The following CLN8 variants were observed in gnomAD, a reference collection of about 807,000 sequenced individuals.
CLN8 encodes CLN8 transmembrane ER and ERGIC protein.
Under a neutral mutation model 15.7 loss-of-function variants are expected in CLN8, and 14 were observed. That is an observed-to-expected ratio of 0.89 (90% CI 0.59 to 1.39). The LOEUF (loss-of-function observed/expected upper bound fraction) is 1.39, where lower values mean the gene tolerates loss of function less well. Among genes scored for constraint, CLN8 ranks in the 40% most tolerant of loss-of-function variants. The pLI, the probability that CLN8 is intolerant of heterozygous loss-of-function variation, is 0.00. For missense variants in CLN8, 415 were observed against 364.0 expected (o/e 1.14, Z -1.14); for synonymous variants, 188 against 151.0 (o/e 1.25, Z -1.80).
chr8:1,779,991 A>T (rs1801658151), intron 2 of CLN8: 12 of 985,494 alleles, frequency 1.2e-5, no homozygotes, highest in Non-Finnish European at 1.4e-5. Context: ...TAGGGAGCAG[A>T]AGCCAAAGAG....
rs1801792209 is a variant in CLN8, at chr8:1,784,909, T to C, written c.*4342T>C. 4 of 152,294 alleles carry C rather than the reference T, an allele frequency of 2.6e-5. No homozygotes were observed. Among genetic ancestry groups the C allele is most frequent in the African/African-American group, 9.7e-5 (4 of 41,438 alleles). The allele number at this position is 152,294 out of a possible 1,614,324, so 9.4% of individuals were successfully genotyped here. On this transcript the variant is annotated 3_prime_UTR_variant, in exon 3 of 3. Coordinates refer to ENST00000331222, the MANE Select transcript of CLN8 (RefSeq NM_018941.4). The stretch of plus-strand genomic sequence containing the variant: ...GAGAACGGTGGCCACTGGAAACGTG[T>C]GGCCAGAAGGGGAAACGCTCGGGCC...
chr8:1,779,321 C>T (rs1420014736), intron 2 of CLN8, among the ~76,000 whole-genome samples: 2 of 152,220 alleles, frequency 1.3e-5, no homozygotes, highest in African/African-American at 2.4e-5. Context: ...CAGCTCAGTG[C>T]AGTCTCTGCC....
At chr8:1,766,553 C>CT (rs1460249892) in intron 1 of CLN8, among the ~76,000 whole-genome samples, 46 of 151,920 alleles carry the variant, frequency 3.0e-4, no homozygotes, top group African/African-American at 1.0e-3. Flanking sequence ...TCACGCCTGG[C>CT]TATTTTTTTT....
intron 2 of CLN8, chr8:1,780,008 G>T: frequency 1.0e-6 from 1 of 985,472 alleles, no homozygotes; most frequent in South Asian, 4.7e-5. Context: ...AGAGCAAGAG[G>T]AGCAGGAAAA....
At chr8:1,754,396 G>A (rs1168061147), upstream of CLN8, among the ~76,000 whole-genome samples, 2 of 152,170 alleles carry the variant, frequency 1.3e-5, no homozygotes, top group Non-Finnish European at 2.9e-5. Flanking sequence ...CCAGTCTTAT[G>A]TAAAAATGAA....
Position 1,782,481 on chromosome 8 carries a change from T to C in CLN8, c.*1914T>C, listed in dbSNP as rs1354690110. 3.3e-5 allele frequency: 5 copies of C among 152,202 alleles called. No homozygotes were observed. The highest frequency in any genetic ancestry group is 3.3e-4 in the Admixed American group (5 of 15,280). The allele number at this position is 152,202 out of a possible 1,614,324, so 9.4% of individuals were successfully genotyped here. A position where few individuals can be genotyped will look rare whatever the true frequency, so the allele number is the denominator to read the frequency against. On this transcript the variant is annotated 3_prime_UTR_variant, in exon 3 of 3. Transcript: ENST00000331222. ...ATTTTGATTGCTGGTGCTTTAACTA[T>C]ATTGACCAAGGTGTATAGTAACCTA...
rs1801786631 is a variant in CLN8, at chr8:1,784,689, G to A, written c.*4122G>A. 1 of 152,460 alleles carries A rather than the reference G, an allele frequency of 6.6e-6. No individual in the cohort carries two copies. Among genetic ancestry groups the A allele is most frequent in the Admixed American group, 6.5e-5 (1 of 15,278 alleles). The allele number at this position is 152,460 out of a possible 1,614,324, so 9.4% of individuals were successfully genotyped here. A position where few individuals can be genotyped will look rare whatever the true frequency, so the allele number is the denominator to read the frequency against. On this transcript the variant is annotated 3_prime_UTR_variant, in exon 3 of 3. Coordinates refer to ENST00000331222, the MANE Select transcript of CLN8 (RefSeq NM_018941.4). Reference sequence around the variant, plus strand: ...GGCACAGGATGGCTGCTTGGCAGTAGGGAGTGGATGAACCAGTAGTACCCA... The same window carrying A: ...GGCACAGGATGGCTGCTTGGCAGTAAGGAGTGGATGAACCAGTAGTACCCA...
At chr8:1,778,208 G>A (rs117309978) in intron 2 of CLN8, among the ~76,000 whole-genome samples, 5,753 of 152,234 alleles carry the variant, frequency 0.038, 148 homozygotes, top group Non-Finnish European at 0.056. Flanking sequence ...GACTGCCCCA[G>A]GCAAACCAGG....
In CLN8 at chr8:1,771,532, G is replaced by C. The variant is rs1464025198; in HGVS notation, c.478G>C (p.Ala160Pro). Residue 160 changes from alanine (A) to proline (P), a missense_variant, in exon 2 of 3, where the codon GCT (alanine) becomes CCT (proline). By Grantham distance (27) the Ala-to-Pro change is conservative. Transcript: ENST00000331222. ...LVNLQAGHYL[A>P]MTTLLLEMST... ...CAATCTCCAAGCTGGCCACTATCTA[G>C]CTATGACCACGTTGCTCCTGGAGAT... 6.2e-7 allele frequency: 1 copy of C among 1,614,128 alleles called. No individual in the cohort carries two copies. Among genetic ancestry groups the C allele is most frequent in the Admixed American group, 1.7e-5 (1 of 60,024 alleles).
intron 1 of CLN8, among the ~76,000 whole-genome samples, chr8:1,767,460 T>C (rs1801110486): frequency 6.6e-6 from 1 of 152,136 alleles, no homozygotes; most frequent in Non-Finnish European, 1.5e-5. Context: ...CTAGAAAGCT[T>C]GAAGACCTGG....
At chr8:1,761,501 T>G (rs537446283), upstream of CLN8, among the ~76,000 whole-genome samples, 6 of 152,326 alleles carry the variant, frequency 3.9e-5, no homozygotes, top group African/African-American at 1.4e-4. Flanking sequence ...ATTTTTGTAT[T>G]TTTAGTAGAG....
chr8:1,768,588 G>C (rs181598783), intron 1 of CLN8, among the ~76,000 whole-genome samples: 1 of 152,206 alleles, frequency 6.6e-6, no homozygotes, highest in African/African-American at 2.4e-5. Flanking sequence ...GAAGTTTTAC[G>C]AGGGGTCCAT....
In CLN8 at chr8:1,771,498, C is replaced by T; in HGVS notation, c.444C>T (p.Gly148=). 6.2e-7 allele frequency: 1 copy of T among 1,614,214 alleles called. No individual in the cohort carries two copies. Among genetic ancestry groups the T allele is most frequent in the Non-Finnish European group, 8.5e-7 (1 of 1,180,038 alleles). Residue 148 remains glycine (G), a synonymous_variant, in exon 2 of 3, where the codon GGC becomes GGT. Coordinates refer to ENST00000331222, the MANE Select transcript of CLN8 (RefSeq NM_018941.4). Reference sequence around the variant, plus strand: ...TCTTTGCCTTTCTTGGGTTTCTTGGCTGCTTGGTCAATCTCCAAGCTGGCC... The same window carrying T: ...TCTTTGCCTTTCTTGGGTTTCTTGGTTGCTTGGTCAATCTCCAAGCTGGCC... The part of the protein sequence containing the change: ...HHLFAFLGFL[G]CLVNLQAGHY...
At chr8:1,775,937 G>A (rs947596836) in intron 2 of CLN8, among the ~76,000 whole-genome samples, 1 of 152,218 alleles carries the variant, frequency 6.6e-6, no homozygotes, top group African/African-American at 2.4e-5. Flanking sequence ...ATCTGTGGGA[G>A]GCACATATGC....
At chr8:1,761,965 T>C (rs1235965845), upstream of CLN8, 1 of 152,220 alleles carries the variant, frequency 6.6e-6, no homozygotes, top group Non-Finnish European at 1.5e-5. Context: ...GCTAATTTGT[T>C]AGTCCTACAA....
upstream of CLN8, among the ~76,000 whole-genome samples, chr8:1,761,615 G>A (rs1319809624): frequency 2.6e-5 from 4 of 152,194 alleles, no homozygotes; most frequent in Admixed American, 6.5e-5. Context: ...GTGAGCCACC[G>A]TGCCCAGCCC....
At chr8:1,771,927 C>CTG (rs1184605404) in intron 2 of CLN8, among the ~76,000 whole-genome samples, 2 of 58,112 alleles carry the variant, frequency 3.4e-5, no homozygotes, top group African/African-American at 6.9e-5. Context: ...TCTTTTAATA[C>CTG]TATATTTATT....
intron 2 of CLN8, among the ~76,000 whole-genome samples, chr8:1,775,388 A>ATG (rs1801471601): frequency 6.6e-6 from 1 of 152,168 alleles, no homozygotes; most frequent in Admixed American, 6.5e-5. Context: ...TTAAGTATAG[A>ATG]TGTAACTGCC....
chr8:1,768,455 C>G (rs1247721535), intron 1 of CLN8, among the ~76,000 whole-genome samples: 1 of 152,154 alleles, frequency 6.6e-6, no homozygotes, highest in Non-Finnish European at 1.5e-5. Flanking sequence ...CGGGGTTTCT[C>G]TCGTCTCAAG....
Sources: allele counts gnomAD v4.1 joint callset (sites outside exome capture counted in the v4.1 genomes callset), GRCh38; gene constraint gnomAD v4.1.1; transcripts MANE v1.5; gene names NCBI Gene and HGNC (gene_info 2026-07-23, HGNC 2026-07-21).